NFATC1: variants seen among roughly 807,000 people sequenced by gnomAD.
NFATC1 encodes nuclear factor of activated T cells 1, also known as nuclear factor of activated T-cells, cytoplasmic 1.
Under a neutral mutation model 76.0 loss-of-function variants are expected in NFATC1, and 22 were observed. The ratio of observed to expected loss-of-function variants is 0.29; its 90% confidence interval spans 0.21 to 0.41. The LOEUF is 0.41. NFATC1 is among the 10% of genes least tolerant of loss of function. The pLI, the probability that NFATC1 is intolerant of heterozygous loss-of-function variation, is 1.00. For missense variants in NFATC1, 1,357 were observed against 1,337.7 expected, an observed-to-expected ratio of 1.01 and a Z score of -0.23; for synonymous variants, 704 against 613.1, an observed-to-expected ratio of 1.15 and a Z score of -2.19.
chr18:79,518,068 G>A (rs749470173), intron 9 of NFATC1, among the ~76,000 whole-genome samples: 21 of 152,204 alleles, frequency 1.4e-4, no homozygotes, highest in Non-Finnish European at 2.4e-4. Context: ...GCCTGAGGGC[G>A]TCGTTGTCTG....
rs1183533737 is a variant in NFATC1, at chr18:79,464,710, A to ATT, written c.1960-2728_1960-2727dup. Among the ~76,000 whole-genome samples, 691 of 92,024 alleles carry ATT rather than the reference A, an allele frequency of 7.5e-3. 81 individuals are homozygous for ATT. The highest frequency in any genetic ancestry group is 0.012 in the Admixed American group (103 of 8,858). 60.4% of individuals were successfully genotyped at this position (92,024 alleles called of 152,430 possible). A position where few individuals can be genotyped will look rare whatever the true frequency, so the allele number is the denominator to read the frequency against. On this transcript the variant is annotated intron_variant, in intron 7 of 9. Transcript: ENST00000427363. The stretch of plus-strand genomic sequence containing the variant: ...TATATATATATTTATTTATTTATTT[A>ATT]TTTTTTTTTTTTTGAGACAGGGTCT...
At chr18:79,396,417 AC>A in intron 1 of NFATC1, 66 bp downstream of exon 1, 1 of 1,032,360 alleles carries the variant, frequency 9.7e-7, no homozygotes, top group Non-Finnish European at 1.2e-6. Flanking sequence ...GCGCCCCCCG[AC>A]CCCGCCCCCG....
At chr18:79,432,433 C>T (rs1004082302) in intron 2 of NFATC1, among the ~76,000 whole-genome samples, 8 of 152,268 alleles carry the variant, frequency 5.3e-5, no homozygotes, top group Non-Finnish European at 8.8e-5. Context: ...AGCCGTTGGG[C>T]CCTGGACTGC....
intron 1 of NFATC1, among the ~76,000 whole-genome samples, chr18:79,397,888 C>T (rs115468573): frequency 6.6e-6 from 1 of 152,170 alleles, no homozygotes. Flanking sequence ...CAAGGCAGTG[C>T]GCCGGGCAGC....
chr18:79,414,616 T>A (rs2085813338), intron 2 of NFATC1, among the ~76,000 whole-genome samples: 1 of 152,184 alleles, frequency 6.6e-6, no homozygotes, highest in Admixed American at 6.5e-5. Context: ...GTTTTAGAGT[T>A]TGGAGCCATT....
At position 79,486,597 on chromosome 18, in the gene NFATC1, C is replaced by CGG; in HGVS notation, c.2444_2445dup (p.Gln816GlyfsTer12). 1 of 1,590,584 alleles carries CGG rather than the reference C, an allele frequency of 6.3e-7. No homozygotes were observed. The highest frequency in any genetic ancestry group is 8.5e-7 in the Non-Finnish European group (1 of 1,172,952). On this transcript the variant is annotated frameshift_variant, in exon 9 of 10. Coordinates refer to ENST00000427363, the MANE Select transcript of NFATC1 (RefSeq NM_001278669.2). LOFTEE classifies it high-confidence loss of function. ...CAGTGGCCACGCACCCCGGCTCGCC[C>CGG]GGGCAGCCACCCCCGGCCCTGCTGC...
At chr18:79,450,441 C>T (rs552675945) in intron 4 of NFATC1, among the ~76,000 whole-genome samples, 50 of 148,124 alleles carry the variant, frequency 3.4e-4, no homozygotes, top group African/African-American at 1.1e-3. Flanking sequence ...TAATATTTAA[C>T]CTAATAATAT....
chr18:79,514,835 C>T (rs1569046848), intron 9 of NFATC1, among the ~76,000 whole-genome samples: 1 of 151,796 alleles, frequency 6.6e-6, no homozygotes, highest in South Asian at 2.1e-4. Flanking sequence ...CACTTGAGCC[C>T]AGGAGTTGGA....
intron 2 of NFATC1, among the ~76,000 whole-genome samples, chr18:79,426,690 G>C (rs1406306712): frequency 6.6e-6 from 1 of 152,278 alleles, no homozygotes; most frequent in African/African-American, 2.4e-5. Context: ...CTCAGCTGCA[G>C]CCTCTCTGGG....
At chr18:79,431,331 A>G (rs902618435) in intron 2 of NFATC1, among the ~76,000 whole-genome samples, 1 of 152,072 alleles carries the variant, frequency 6.6e-6, no homozygotes, top group Admixed American at 6.6e-5. Context: ...TTCCTCTTTA[A>G]ACGAGTCTTC....
intron 2 of NFATC1, among the ~76,000 whole-genome samples, chr18:79,414,831 G>A (rs944204129): frequency 2.0e-5 from 3 of 152,196 alleles, no homozygotes; most frequent in African/African-American, 7.2e-5. Flanking sequence ...GCACCTTTCC[G>A]TGTGCTGTTG....
intron 2 of NFATC1, among the ~76,000 whole-genome samples, chr18:79,433,023 C>T (rs1444329080): frequency 3.3e-5 from 5 of 152,238 alleles, no homozygotes; most frequent in Non-Finnish European, 7.3e-5. Flanking sequence ...CGTTTGCTCC[C>T]ACCGCCCTCC....
intron 1 of NFATC1, among the ~76,000 whole-genome samples, chr18:79,401,462 G>A (rs2085253286): frequency 1.3e-5 from 2 of 152,224 alleles, no homozygotes; most frequent in South Asian, 4.1e-4. Flanking sequence ...TTCCCTGCCT[G>A]GGCCTGGGTT....
chr18:79,406,783 C>T (rs1304132215), intron 1 of NFATC1, among the ~76,000 whole-genome samples: 12 of 152,316 alleles, frequency 7.9e-5, no homozygotes, highest in South Asian at 4.1e-4. Context: ...TCCCCCACCG[C>T]GCCTTCCTTC....
chr18:79,450,302 A>G (rs1411198696), intron 4 of NFATC1, among the ~76,000 whole-genome samples: 1 of 152,100 alleles, frequency 6.6e-6, no homozygotes, highest in African/African-American at 2.4e-5. Context: ...AATTGTTAAG[A>G]GGTTATATGA....
Position 79,524,837 on chromosome 18 carries a change from C to T in NFATC1, c.2783-2691C>T, listed in dbSNP as rs995004877. On this transcript the variant is annotated intron_variant, in intron 9 of 9. Transcript: ENST00000427363. This position sits in a 1 kb window ranked among gnomAD's most constrained non-coding sequence, Gnocchi z 7.2. ...GCAAGGGGAAGCCCCATGGCCATGC[C>T]GCTTCCCTTTCACCCTCAGCGACGC... 6.6e-6 allele frequency among the ~76,000 whole-genome samples: 1 copy of T among 151,990 alleles called. No homozygotes were observed. Among genetic ancestry groups the T allele is most frequent in the African/African-American group, 2.4e-5 (1 of 41,368 alleles).
intron 6 of NFATC1, among the ~76,000 whole-genome samples, chr18:79,457,896 C>G (rs1234128050): frequency 6.6e-6 from 1 of 152,226 alleles, no homozygotes; most frequent in African/African-American, 2.4e-5. Context: ...GTAGGGTCCT[C>G]AGGTCCCCTC....
chr18:79,409,223 A>G (rs572258372), intron 1 of NFATC1, among the ~76,000 whole-genome samples: 58 of 145,842 alleles, frequency 4.0e-4, no homozygotes, highest in African/African-American at 1.3e-3. Context: ...CCATTCATCC[A>G]TCATCCATCA....
At chr18:79,481,100 G>C (rs2089256102) in intron 8 of NFATC1, among the ~76,000 whole-genome samples, 1 of 152,242 alleles carries the variant, frequency 6.6e-6, no homozygotes, top group Non-Finnish European at 1.5e-5. Context: ...ACCTCTCAAA[G>C]GCGCAGGCCT....
Sources: allele counts gnomAD v4.1 joint callset (sites outside exome capture counted in the v4.1 genomes callset), GRCh38; gene constraint gnomAD v4.1.1; non-coding constraint Gnocchi (gnomAD v3.1); transcripts MANE v1.5; gene names NCBI Gene and HGNC (gene_info 2026-07-23, HGNC 2026-07-21).